The following PRKAG2 variants were observed in gnomAD, a reference collection of about 807,000 sequenced individuals.
PRKAG2 encodes protein kinase AMP-activated non-catalytic subunit gamma 2, also known as 5'-AMP-activated protein kinase subunit gamma-2.
A neutral mutation model predicts 69.6 loss-of-function variants in PRKAG2; 26 were observed. That is an observed-to-expected ratio of 0.37 (90% confidence interval 0.27 to 0.52). The LOEUF (loss-of-function observed/expected upper bound fraction) is 0.52, where lower values mean the gene tolerates loss of function less well. Ranked by LOEUF, PRKAG2 falls within the 20% of genes least tolerant of loss-of-function variation. The pLI is 0.90. For synonymous variants in PRKAG2, 293 were observed against 285.0 expected, an observed-to-expected ratio of 1.03 and a Z score of -0.28; for missense variants, 557 against 740.0, an observed-to-expected ratio of 0.75 and a Z score of 2.87.
intron 3 of PRKAG2, among the ~76,000 whole-genome samples, chr7:151,745,486 G>A (rs921340350): frequency 2.6e-5 from 4 of 152,092 alleles, no homozygotes; most frequent in Admixed American, 1.3e-4. Context: ...AAGCCCCCAC[G>A]CCTCTGTTCC....
intron 3 of PRKAG2, among the ~76,000 whole-genome samples, chr7:151,688,043 C>CCCCCCA (rs1554539814): frequency 1.8e-5 from 1 of 56,544 alleles, no homozygotes; most frequent in African/African-American, 5.8e-5. Context: ...GGAAATGAGG[C>CCCCCCA]CCCCCCCCGG....
intron 3 of PRKAG2, among the ~76,000 whole-genome samples, chr7:151,704,932 G>A (rs2151582352): frequency 6.6e-6 from 1 of 152,314 alleles, no homozygotes; most frequent in Middle Eastern, 3.4e-3. Context: ...TCCCCAAAAT[G>A]TTAGCGCTTA....
intron 3 of PRKAG2, among the ~76,000 whole-genome samples, chr7:151,705,249 A>G (rs921292501): frequency 6.6e-6 from 1 of 152,216 alleles, no homozygotes; most frequent in Non-Finnish European, 1.5e-5. Context: ...TTGGCTGAGA[A>G]TATCAGGCTC....
rs747490039 is a variant in PRKAG2, at chr7:151,632,055, C to CG, written c.754+13dup. The CG allele has an allele frequency of 2.8e-5, 38 of 1,371,204 alleles. No homozygotes were observed. In the African/African-American group the frequency reaches 5.4e-4, roughly 19 times the overall value. The allele number at this position is 1,371,204 out of a possible 1,614,324, so 84.9% of individuals were successfully genotyped here. On this transcript the variant is annotated intron_variant, in intron 5 of 15. Coordinates refer to ENST00000287878, the MANE Select transcript of PRKAG2 (RefSeq NM_016203.4). This position sits in a 1 kb window ranked among gnomAD's most constrained non-coding sequence, Gnocchi z 4.2. ...GTGGGAGCGCCGGGCCGGCAGCGGGCGGGGCGCACTCACCTTCGTCCTCGA... is the reference window on the plus strand; with the variant it reads ...GTGGGAGCGCCGGGCCGGCAGCGGGCGGGGGCGCACTCACCTTCGTCCTCGA...
In PRKAG2 at chr7:151,595,395, C is replaced by T; in HGVS notation, c.814G>A (p.Asp272Asn). 2 of 1,614,018 alleles carry T rather than the reference C, an allele frequency of 1.2e-6. No individual in the cohort carries two copies. Among genetic ancestry groups the T allele is most frequent in the Non-Finnish European group, 1.7e-6 (2 of 1,179,990 alleles). Residue 272 changes from aspartate to asparagine, a missense_variant, in exon 6 of 16, where the codon GAC (aspartate) becomes AAC (asparagine). This residue lies in a region of PRKAG2 where 205 missense variants were observed against 383.4 expected (regional missense o/e 0.53). Coordinates refer to ENST00000287878, the MANE Select transcript of PRKAG2 (RefSeq NM_016203.4). The stretch of plus-strand genomic sequence containing the variant: ...AGCTTTGAACTGGTTGGAACGATGT[C>T]ATAACACTTGTGTGACCTCATGAAT... ...MRFMRSHKCY[D>N]IVPTSSKLVV...
At position 151,781,480 on chromosome 7, in the gene PRKAG2, G is replaced by A. The variant is rs1290904222; in HGVS notation, c.187-49C>T. On this transcript the variant is annotated intron_variant, in intron 2 of 15. Transcript: ENST00000287878. The surrounding 1 kb of genome is among the most constrained non-coding windows in gnomAD (Gnocchi z 6.1). Reference sequence around the variant, plus strand: ...TGCAGTCACTCCACGCTCTGGACACGCTGCCTCCTGCCCTGTATGAAACTT... The same window carrying A: ...TGCAGTCACTCCACGCTCTGGACACACTGCCTCCTGCCCTGTATGAAACTT... 15 of 1,550,994 alleles carry A rather than the reference G, an allele frequency of 9.7e-6. No individual in the cohort carries two copies. Among genetic ancestry groups the A allele is most frequent in the East Asian group, 2.4e-5 (1 of 42,036 alleles).
chr7:151,674,752 T>C (rs542328843), intron 4 of PRKAG2, among the ~76,000 whole-genome samples: 1 of 109,746 alleles, frequency 9.1e-6, no homozygotes, highest in East Asian at 2.7e-4. Flanking sequence ...GAATAACACT[T>C]CTGTTTTACT....
chr7:151,650,394 G>C (rs1394333191), intron 4 of PRKAG2, among the ~76,000 whole-genome samples: 1 of 152,116 alleles, frequency 6.6e-6, no homozygotes, highest in African/African-American at 2.4e-5. Context: ...TCTAGGGAAT[G>C]GTTTGCATGT....
At chr7:151,595,210 TA>T in intron 6 of PRKAG2, 134 bp downstream of exon 6, 1 of 671,498 alleles carries the variant, frequency 1.5e-6, no homozygotes, top group Non-Finnish European at 2.6e-6. Context: ...AGAATTCAGA[TA>T]AAACCTCAGC....
intron 4 of PRKAG2, among the ~76,000 whole-genome samples, chr7:151,670,124 T>G (rs113584833): frequency 0.022 from 2,643 of 120,644 alleles, 71 homozygotes; most frequent in African/African-American, 0.079. Context: ...GCACACACAC[T>G]TGCATGCACA....
chr7:151,763,177 T>C lies in PRKAG2; in HGVS notation c.466+17975A>G, dbSNP rs1586358857. Among the ~76,000 whole-genome samples the C allele has an allele frequency of 2.0e-5, 3 of 152,174 alleles. No individual in the cohort carries two copies. In the South Asian group the frequency reaches 6.2e-4, roughly 32 times the overall value. ...TCGGGTGGGCTCGGAAGTGCCACAG[T>C]AAGAATTAAGCGCCAGAATCTAAGC... On this transcript the variant is annotated intron_variant, in intron 3 of 15. Coordinates refer to ENST00000287878, the MANE Select transcript of PRKAG2 (RefSeq NM_016203.4).
intron 5 of PRKAG2, among the ~76,000 whole-genome samples, chr7:151,622,231 G>C (rs1269804909): frequency 6.6e-6 from 1 of 152,206 alleles, no homozygotes; most frequent in East Asian, 1.9e-4. Context: ...TGAAGTTTGA[G>C]ACTCTGACAA....
At chr7:151,823,049 G>T (rs556132368) in intron 1 of PRKAG2, among the ~76,000 whole-genome samples, 2 of 116,746 alleles carry the variant, frequency 1.7e-5, no homozygotes, top group African/African-American at 6.7e-5. Context: ...ACCCCACAGC[G>T]GAAAACGCAA....
chr7:151,817,310 C>A (rs2078669368), intron 1 of PRKAG2, among the ~76,000 whole-genome samples: 1 of 152,200 alleles, frequency 6.6e-6, no homozygotes, highest in South Asian at 2.1e-4. Flanking sequence ...CTTCCTGAAG[C>A]ACATCCCCTC....
rs555141727 is a variant in PRKAG2 at position 151,655,232 on chromosome 7, T to C, written c.684+20188A>G. Among the ~76,000 whole-genome samples, 24 of 152,352 alleles carry C rather than the reference T, an allele frequency of 1.6e-4. 1 individual carries two copies. The Middle Eastern group carries it at 0.014, about 86-fold the overall frequency. On this transcript the variant is annotated intron_variant, in intron 4 of 15. Coordinates refer to ENST00000287878, the MANE Select transcript of PRKAG2 (RefSeq NM_016203.4). Reference sequence around the variant, plus strand: ...ACGCCATCTCTGGACAGCCCTACACTGCCATTCAAAGGTATTTGGCCCAAA... The same window carrying C: ...ACGCCATCTCTGGACAGCCCTACACCGCCATTCAAAGGTATTTGGCCCAAA...
In PRKAG2 at chr7:151,599,911, C is replaced by T. The variant is rs541320518; in HGVS notation, c.755-4457G>A. ...TAAACACTCCTGCTCCGTATTTTCT[C>T]CAACCCCCTATTTTTTTCCAGTCCT... On this transcript the variant is annotated intron_variant, in intron 5 of 15. Coordinates refer to ENST00000287878, the MANE Select transcript of PRKAG2 (RefSeq NM_016203.4). 2.0e-5 allele frequency among the ~76,000 whole-genome samples: 3 copies of T among 152,308 alleles called. No individual in the cohort carries two copies. The South Asian group carries it at 6.2e-4, about 32-fold the overall frequency.
intron 4 of PRKAG2, among the ~76,000 whole-genome samples, chr7:151,645,997 T>TA (rs1193559429): frequency 2.0e-5 from 3 of 152,238 alleles, no homozygotes; most frequent in Admixed American, 2.0e-4. Context: ...TACCTTTATT[T>TA]AAAATCAATT....
intron 5 of PRKAG2, 103 bp downstream of exon 5, chr7:151,631,966 G>C: frequency 9.3e-7 from 1 of 1,076,782 alleles, no homozygotes; most frequent in Non-Finnish European, 1.2e-6. Context: ...GCAGCTCGCC[G>C]TGGGGCAGCG....
intron 3 of PRKAG2, among the ~76,000 whole-genome samples, chr7:151,747,918 CTTTTTTTTTTTTT>C (rs34915377): frequency 8.8e-6 from 1 of 114,270 alleles, no homozygotes; most frequent in Admixed American, 9.0e-5. Context: ...AAAAAACTTA[CTTTTTTTTTTTTT>C]TTTTTTTTGG....
Sources: allele counts gnomAD v4.1 joint callset (sites outside exome capture counted in the v4.1 genomes callset), GRCh38; gene constraint gnomAD v4.1.1; regional missense constraint gnomAD v4.1.1; non-coding constraint Gnocchi (gnomAD v3.1); transcripts MANE v1.5; gene names NCBI Gene and HGNC (gene_info 2026-07-23, HGNC 2026-07-21).